Variants in PLXNB2 observed in about 807,000 individuals in gnomAD.
PLXNB2 encodes the protein plexin-B2.
Under a neutral mutation model 202.6 loss-of-function variants are expected in PLXNB2, and 85 were observed. That is an observed-to-expected ratio of 0.42 (90% CI 0.35 to 0.50). The LOEUF (loss-of-function observed/expected upper bound fraction) is 0.50, where lower values mean the gene tolerates loss of function less well. PLXNB2 is among the 20% of genes least tolerant of loss of function. The pLI is 0.02. For synonymous variants in PLXNB2, 1,239 were observed against 1,137.6 expected (o/e 1.09, Z -1.79); for missense variants, 2,063 against 2,586.2 (o/e 0.80, Z 4.39).
chr22:50,275,941 G>A lies in PLXNB2; in HGVS notation c.5360C>T (p.Thr1787Ile). Residue 1787 changes from threonine (T) to isoleucine (I), a missense_variant, in exon 36 of 37, where the codon ACC becomes ATC. By Grantham distance (89) the Thr-to-Ile change is moderately conservative (BLOSUM62 -1). This residue lies in a region of PLXNB2 where 760 missense variants were observed against 1,109.4 expected (regional missense o/e 0.69). Transcript: ENST00000359337. ...GTAGAGCTGGTGGAGTGCCACGAGGGTGTTCAAGGAGTCCGTGTGCGCCTG... is the reference window on the plus strand; with the variant it reads ...GTAGAGCTGGTGGAGTGCCACGAGGATGTTCAAGGAGTCCGTGTGCGCCTG... ...ISRAHTDSLN[T>I]LVALHQLYQY... 6.2e-7 allele frequency: 1 copy of A among 1,612,640 alleles called. No individual in the cohort carries two copies. The highest frequency in any genetic ancestry group is 1.7e-5 in the Admixed American group (1 of 60,018).
intron 2 of PLXNB2, among the ~76,000 whole-genome samples, chr22:50,293,536 G>A (rs2067040618): frequency 6.6e-6 from 1 of 152,222 alleles, no homozygotes. Context: ...CGCTCACCCG[G>A]CCCAGCTCGG....
intron 1 of PLXNB2, among the ~76,000 whole-genome samples, chr22:50,302,350 G>A (rs913491286): frequency 2.0e-5 from 3 of 152,240 alleles, no homozygotes; most frequent in Non-Finnish European, 4.4e-5. Context: ...AGGACAGTGA[G>A]TGGGAGGTGA....
In PLXNB2 at chr22:50,289,598, G is replaced by A; in HGVS notation, c.987C>T (p.Ala329=). 1 of 1,610,812 alleles carries A rather than the reference G, an allele frequency of 6.2e-7. No homozygotes were observed. The highest frequency in any genetic ancestry group is 8.5e-7 in the Non-Finnish European group (1 of 1,179,850). Residue 329 remains alanine (A), a synonymous_variant, in exon 3 of 37, where the codon GCC becomes GCT. Transcript: ENST00000359337. This position sits in a 1 kb window ranked among gnomAD's most constrained non-coding sequence, Gnocchi z 8.0. ...VHAKMEANRN[A]CYTGTREARD... is the part of the protein sequence containing the mutation. ...GGGCCTCCCGGGTGCCTGTGTAACA[G>A]GCGTTGCGGTTGGCCTCCATCTTGG...
In PLXNB2 at chr22:50,279,633, G is replaced by T. The variant is rs779224604; in HGVS notation, c.4386C>A (p.Pro1462=). Residue 1462 remains proline, a synonymous_variant, in exon 27 of 37, where the codon CCC becomes CCA. Transcript: ENST00000359337. ...GGCCCCCACCCCAGAAGCTCACCAG[G>T]GGTGCGTACTCCACATCATCCCCCA... ...GLLGDDVEYA[P]LTVSVIVQDE... 6.2e-7 allele frequency: 1 copy of T among 1,613,516 alleles called. No individual in the cohort carries two copies. The highest frequency in any genetic ancestry group is 1.3e-5 in the African/African-American group (1 of 74,934).
rs756941525 is a variant in PLXNB2, at chr22:50,277,844, G to A, written c.5048+9C>T. On this transcript the variant is annotated intron_variant, in intron 32 of 36. Coordinates refer to ENST00000359337, the MANE Select transcript of PLXNB2 (RefSeq NM_012401.4). Reference sequence around the variant, plus strand: ...GGGGCTGGGCCGCGGGGTGGGTGTGGAGCCTCACCTGTTCGTCTTCCAGAT... The same window carrying A: ...GGGGCTGGGCCGCGGGGTGGGTGTGAAGCCTCACCTGTTCGTCTTCCAGAT... 1 of 1,611,988 alleles carries A rather than the reference G, an allele frequency of 6.2e-7. No individual in the cohort carries two copies. Among genetic ancestry groups the A allele is most frequent in the Non-Finnish European group, 8.5e-7 (1 of 1,179,162 alleles).
At position 50,289,694 on chromosome 22, in the gene PLXNB2, G is replaced by A. The variant is rs1327255690; in HGVS notation, c.891C>T (p.Phe297=). Residue 297 remains phenylalanine, a synonymous_variant, in exon 3 of 37, where the codon TTC becomes TTT. Coordinates refer to ENST00000359337, the MANE Select transcript of PLXNB2 (RefSeq NM_012401.4). The surrounding 1 kb of genome is among the most constrained non-coding windows in gnomAD (Gnocchi z 8.0). The stretch of plus-strand genomic sequence containing the variant: ...CCCCACTGCTCCGGCTGTCTCTGCT[G>A]AAGACAGCATATAGCACCCTGCCAG... ...PGSGRVLYAV[F]SRDSRSSGGP... is the part of the protein sequence containing the mutation. 8.7e-6 allele frequency: 14 copies of A among 1,610,944 alleles called. No individual in the cohort carries two copies. Among genetic ancestry groups the A allele is most frequent in the Non-Finnish European group, 1.2e-5 (14 of 1,179,890 alleles).
In PLXNB2 at chr22:50,284,961, C is replaced by G. The variant is rs921711870; in HGVS notation, c.2089-296G>C. 3 of 536,078 alleles carry G rather than the reference C, an allele frequency of 5.6e-6. No individual in the cohort carries two copies. The highest frequency in any genetic ancestry group is 4.7e-5 in the Admixed American group (2 of 42,466). The allele number at this position is 536,078 out of a possible 1,614,324, so 33.2% of individuals were successfully genotyped here. Reference sequence around the variant, plus strand: ...CTGACATCGTGGCCCCCACAGCTCCCTCCTCAGGAGGTGGCACTGGCCCCT... The same window carrying G: ...CTGACATCGTGGCCCCCACAGCTCCGTCCTCAGGAGGTGGCACTGGCCCCT... On this transcript the variant is annotated intron_variant, in intron 11 of 36. Transcript: ENST00000359337. The surrounding 1 kb of genome is among the most constrained non-coding windows in gnomAD (Gnocchi z 8.0).
chr22:50,285,898 C>A lies in PLXNB2; in HGVS notation c.1990G>T (p.Asp664Tyr). 6.2e-7 allele frequency: 1 copy of A among 1,612,178 alleles called. No individual in the cohort carries two copies. Among genetic ancestry groups the A allele is most frequent in the Non-Finnish European group, 8.5e-7 (1 of 1,179,358 alleles). Residue 664 changes from aspartate to tyrosine, a missense_variant, in exon 11 of 37, where the codon GAC (aspartate) becomes TAC (tyrosine). Asp to Tyr is a radical substitution (Grantham distance 160, BLOSUM62 -3). Transcript: ENST00000359337. ...GGTCCCAGGAACTGGGGACAGCTGT[C>A]CTCCTGGGAGAGTAAGGCTGGTCAG... ...EDGIVRAHME[D>Y]SCPQFLGPSP...
intron 1 of PLXNB2, chr22:50,301,546 TCC>T: frequency 3.7e-6 from 1 of 273,046 alleles, no homozygotes; most frequent in Non-Finnish European, 5.6e-6. Context: ...AAAGGAGGCC[TCC>T]CGGCCCGCCG....
chr22:50,283,931 G>A lies in PLXNB2; in HGVS notation c.2323C>T (p.Pro775Ser). ...CCGCACCACGCACACCTGTAGTCGG[G>A]GTTAGCGGCCCGGCACAGGCTGCAG... ...SDCSLCRAAN[P>S]DYRCAWCGGQ... Residue 775 changes from proline to serine, a missense_variant, in exon 14 of 37, where the codon CCC (proline) becomes TCC (serine). Pro to Ser is a moderately conservative substitution (Grantham distance 74). Transcript: ENST00000359337. 6.4e-7 allele frequency: 1 copy of A among 1,567,472 alleles called. No homozygotes were observed.
In PLXNB2 at chr22:50,278,043, C is replaced by T. The variant is rs779145012; in HGVS notation, c.4888-30G>A. 5.6e-6 allele frequency: 9 copies of T among 1,604,610 alleles called. No individual in the cohort carries two copies. In the East Asian group the frequency reaches 9.0e-5, roughly 16 times the overall value. On this transcript the variant is annotated intron_variant, in intron 31 of 36. Transcript: ENST00000359337. ...GGGGGGGAGGGTCTCAGCGTGACGC[C>T]GTGGGCGCGGCTCCTGGGGGGGAGG...
intron 26 of PLXNB2, 88 bp downstream of exon 26, chr22:50,279,917 A>G: frequency 7.2e-7 from 1 of 1,394,812 alleles, no homozygotes; most frequent in Non-Finnish European, 1.0e-6. Context: ...GCCCACCTCA[A>G]GGTGCCGTAC....
At chr22:50,296,263 T>G (rs1339980133) in intron 1 of PLXNB2, among the ~76,000 whole-genome samples, 9 of 147,916 alleles carry the variant, frequency 6.1e-5, no homozygotes, top group African/African-American at 2.3e-4. Flanking sequence ...AACTAGACCG[T>G]GAACTGGCCG....
intron 11 of PLXNB2, among the ~76,000 whole-genome samples, chr22:50,285,167 A>AC (rs113067960): frequency 8.8e-4 from 130 of 147,378 alleles, no homozygotes; most frequent in African/African-American, 3.1e-3. Context: ...ACTGGCCGGC[A>AC]CCCCTCCCTC....
chr22:50,286,170 C>G lies in PLXNB2; in HGVS notation c.1877+3G>C. The stretch of plus-strand genomic sequence containing the variant: ...GTGGGGTCGATGGGCACAAGACACT[C>G]ACGGCAGGTTCTCCTCCAGGCTCAT... On this transcript the variant is annotated splice_donor_region_variant and intron_variant, in intron 9 of 36. Transcript: ENST00000359337. The G allele has an allele frequency of 6.2e-7, 1 of 1,612,396 alleles. No individual in the cohort carries two copies. Among genetic ancestry groups the G allele is most frequent in the Non-Finnish European group, 8.5e-7 (1 of 1,179,104 alleles).
rs770104035 is a variant in PLXNB2, at chr22:50,289,912, C to T, written c.673G>A (p.Gly225Ser). The T allele has an allele frequency of 1.1e-5, 18 of 1,613,062 alleles. No homozygotes were observed. Among genetic ancestry groups the T allele is most frequent in the South Asian group, 4.4e-5 (4 of 91,092 alleles). Reference protein sequence around the residue: ...TQQFVAAFEDGPYVFFVFNQQ... With the variant: ...TQQFVAAFEDSPYVFFVFNQQ... ...TTGAAGACAAAGAAGACGTAGGGGC[C>T]GTCCTCGAAGGCCGCCACGAACTGC... Residue 225 changes from glycine to serine, a missense_variant, in exon 3 of 37, where the codon GGC becomes AGC. Physicochemically the swap from Gly to Ser is moderately conservative, Grantham distance 56. Coordinates refer to ENST00000359337, the MANE Select transcript of PLXNB2 (RefSeq NM_012401.4). The surrounding 1 kb of genome is among the most constrained non-coding windows in gnomAD (Gnocchi z 8.0).
Position 50,283,125 on chromosome 22 carries a change from G to C in PLXNB2, c.2741C>G (p.Thr914Ser), listed in dbSNP as rs767850259. The C allele has an allele frequency of 6.2e-7, 1 of 1,601,098 alleles. No individual in the cohort carries two copies. Among genetic ancestry groups the C allele is most frequent in the Non-Finnish European group, 8.5e-7 (1 of 1,175,126 alleles). The change falls in exon 17 of 37, where the codon ACC becomes AGC. Residue 914 changes from threonine to serine, a missense_variant. Physicochemically the swap from Thr to Ser is moderately conservative, Grantham distance 58. This residue lies in a region of PLXNB2 where 1,303 missense variants were observed against 1,476.8 expected (regional missense o/e 0.88). Transcript: ENST00000359337. ...CGTGTCCAGGTGGGTGCCGTGGATGGTCAGTGTGGTGCCGCCCGCCTGCGG... is the reference window on the plus strand; with the variant it reads ...CGTGTCCAGGTGGGTGCCGTGGATGCTCAGTGTGGTGCCGCCCGCCTGCGG... ...QGPQAGGTTL[T>S]IHGTHLDTGS...
Position 50,287,691 on chromosome 22 carries a change from G to A in PLXNB2, c.1584C>T (p.Asn528=), listed in dbSNP as rs779928938. 1.7e-4 allele frequency: 263 copies of A among 1,555,044 alleles called. No homozygotes were observed. Among genetic ancestry groups the A allele is most frequent in the Non-Finnish European group, 2.2e-4 (250 of 1,154,598 alleles). ...CVAVTSAQPQ[N]MSRRAQGEVQ... ...CCTCCCCCTGGGCCCGCCGGCTCATGTTCTGTGGCTGGGCGCTGGTGACGG... is the reference window on the plus strand; with the variant it reads ...CCTCCCCCTGGGCCCGCCGGCTCATATTCTGTGGCTGGGCGCTGGTGACGG... Residue 528 remains asparagine (N), a synonymous_variant, in exon 7 of 37, where the codon AAC becomes AAT. Transcript: ENST00000359337.
At position 50,281,682 on chromosome 22, in the gene PLXNB2, G is replaced by A. The variant is rs1307657362; in HGVS notation, c.3406C>T (p.Arg1136Cys). The A allele has an allele frequency of 1.0e-5, 16 of 1,574,954 alleles. No homozygotes were observed. Among genetic ancestry groups the A allele is most frequent in the Non-Finnish European group, 1.2e-5 (14 of 1,157,910 alleles). ...QEAEAFVGAERCTMKTLTETD... is the reference protein window; with the variant it reads ...QEAEAFVGAECCTMKTLTETD... ...TCCGTCAGCGTCTTCATGGTGCAGC[G>A]CTCGGCACCCACGAAGGCCTCGGCC... The change falls in exon 21 of 37, where the codon CGC becomes TGC. Residue 1136 changes from arginine to cysteine, a missense_variant. Physicochemically the swap from Arg to Cys is radical, Grantham distance 180. This residue lies in a region of PLXNB2 where 760 missense variants were observed against 1,109.4 expected (regional missense o/e 0.69). Transcript: ENST00000359337.
Sources: allele counts gnomAD v4.1 joint callset (sites outside exome capture counted in the v4.1 genomes callset), GRCh38; gene constraint gnomAD v4.1.1; regional missense constraint gnomAD v4.1.1; non-coding constraint Gnocchi (gnomAD v3.1); transcripts MANE v1.5; gene names NCBI Gene and HGNC (gene_info 2026-07-23, HGNC 2026-07-21).